The following RPTOR variants were observed in gnomAD, a reference collection of about 807,000 sequenced individuals.
The protein encoded by RPTOR is regulatory associated protein of MTOR complex 1.
RPTOR carries 21 observed loss-of-function variants against 169.9 expected under a neutral mutation model. The ratio of observed to expected loss-of-function variants is 0.12; its 90% CI spans 0.09 to 0.18. The LOEUF (loss-of-function observed/expected upper bound fraction) is 0.18, where lower values mean the gene tolerates loss of function less well. Ranked by LOEUF, RPTOR falls within the 10% of genes least tolerant of loss-of-function variation. The pLI is 1.00. For missense variants in RPTOR, 1,133 were observed against 1,855.9 expected (o/e 0.61, Z 7.16); for synonymous variants, 732 against 753.2 (o/e 0.97, Z 0.46).
intron 1 of RPTOR, among the ~76,000 whole-genome samples, chr17:80,571,594 C>T (rs2064906734): frequency 1.3e-5 from 2 of 152,146 alleles, no homozygotes; most frequent in African/African-American, 2.4e-5. Flanking sequence ...GATCATAGCT[C>T]ACTGCAGCCT....
At chr17:80,616,196 A>G (rs1195623001) in intron 1 of RPTOR, among the ~76,000 whole-genome samples, 1 of 152,176 alleles carries the variant, frequency 6.6e-6, no homozygotes, top group Admixed American at 6.5e-5. Flanking sequence ...TAATGTGGCT[A>G]ATTTTAATTT....
intron 11 of RPTOR, among the ~76,000 whole-genome samples, chr17:80,847,230 A>G (rs1424021639): frequency 6.6e-6 from 1 of 152,216 alleles, no homozygotes; most frequent in African/African-American, 2.4e-5. Flanking sequence ...GGCCCGTGTC[A>G]TGTCAGTGCT....
At chr17:80,570,100 C>G (rs1291947052) in intron 1 of RPTOR, among the ~76,000 whole-genome samples, 1 of 152,146 alleles carries the variant, frequency 6.6e-6, no homozygotes, top group East Asian at 1.9e-4. Flanking sequence ...ATCATGAACT[C>G]AGACCTCTCT....
At position 80,721,547 on chromosome 17, in the gene RPTOR, G is replaced by T. The variant is rs1460427074; in HGVS notation, c.508-9013G>T. Among the ~76,000 whole-genome samples the T allele has an allele frequency of 2.0e-5, 3 of 151,350 alleles. No individual in the cohort carries two copies. The highest frequency in any genetic ancestry group is 3.9e-4 in the East Asian group (2 of 5,194). On this transcript the variant is annotated intron_variant, in intron 4 of 33. Transcript: ENST00000306801. This position sits in a 1 kb window ranked among gnomAD's most constrained non-coding sequence, Gnocchi z 4.7. ...GCTCACCCGGGGCCGTCAGGGCGCT[G>T]CAGTTTGCAGGAGCATCCTTTGGGC... is the stretch of plus-strand genomic sequence containing the variant.
rs117870621 is a variant in RPTOR, at chr17:80,722,588, A to G, written c.508-7972A>G. Among the ~76,000 whole-genome samples, 351 of 151,248 alleles carry G rather than the reference A, an allele frequency of 2.3e-3. 3 individuals carry two copies. Among genetic ancestry groups the G allele is most frequent in the South Asian group, 0.01 (49 of 4,828 alleles). ...AATGGAAGAGACCATGGGATGCAGCATGTGAAGAGGTGACTATGTGTTCAG... is the reference window on the plus strand; with the variant it reads ...AATGGAAGAGACCATGGGATGCAGCGTGTGAAGAGGTGACTATGTGTTCAG... On this transcript the variant is annotated intron_variant, in intron 4 of 33. Coordinates refer to ENST00000306801, the MANE Select transcript of RPTOR (RefSeq NM_020761.3).
At chr17:80,856,204 A>C (rs1231822356) in intron 12 of RPTOR, among the ~76,000 whole-genome samples, 2 of 152,260 alleles carry the variant, frequency 1.3e-5, no homozygotes, top group African/African-American at 4.8e-5. Context: ...ATGAATACTC[A>C]TAAAACAATT....
rs140163686 is a variant in RPTOR at position 80,943,276 on chromosome 17, G to A, written c.3026-2391G>A. ...CAGCCTGCAGCAGAGTGCCCAAGTC[G>A]CGCGGCTTTGACCTTGCACCCCGAC... On this transcript the variant is annotated intron_variant, in intron 25 of 33. Transcript: ENST00000306801. Among the ~76,000 whole-genome samples, 107 of 152,220 alleles carry A rather than the reference G, an allele frequency of 7.0e-4. No homozygotes were observed. The East Asian group carries it at 0.016, about 23-fold the overall frequency.
chr17:80,706,510 G>A (rs1000544126), intron 3 of RPTOR, among the ~76,000 whole-genome samples: 1 of 152,264 alleles, frequency 6.6e-6, no homozygotes, highest in Non-Finnish European at 1.5e-5. Flanking sequence ...AGCATTCATA[G>A]CATTAGGACT....
intron 2 of RPTOR, among the ~76,000 whole-genome samples, chr17:80,635,508 G>GGGTACCATTTCGCACATGGTGA (rs2065498871): frequency 5.3e-5 from 8 of 152,186 alleles, no homozygotes; most frequent in Admixed American, 5.2e-4. Context: ...GCAGATGGTG[G>GGGTACCATTTCGCACATGGTGA]GGTACCATTT....
At chr17:80,791,372 C>A in intron 6 of RPTOR, 78 bp from the exon 7 acceptor site, 2 of 1,317,058 alleles carry the variant, frequency 1.5e-6, no homozygotes, top group Non-Finnish European at 2.2e-6. Context: ...TTTAACTCTT[C>A]CCTTTTTCTG....
chr17:80,905,190 T>TA (rs780749373), intron 20 of RPTOR, among the ~76,000 whole-genome samples: 3 of 151,774 alleles, frequency 2.0e-5, no homozygotes, highest in Non-Finnish European at 4.4e-5. Flanking sequence ...TTTTTTTTTT[T>TA]ATGTGTATTA....
intron 1 of RPTOR, among the ~76,000 whole-genome samples, chr17:80,608,762 C>G (rs935911857): frequency 6.6e-6 from 1 of 152,106 alleles, no homozygotes; most frequent in Admixed American, 6.5e-5. Context: ...AGTAGCTGAC[C>G]GTGTTGGTCT....
intron 3 of RPTOR, among the ~76,000 whole-genome samples, chr17:80,661,635 A>G (rs566921004): frequency 6.6e-6 from 1 of 152,166 alleles, no homozygotes; most frequent in Admixed American, 6.5e-5. Context: ...CGGCGCTCCT[A>G]TGCACATCTT....
chr17:80,801,451 G>A (rs932352530), intron 7 of RPTOR, among the ~76,000 whole-genome samples: 14 of 152,114 alleles, frequency 9.2e-5, no homozygotes, highest in Non-Finnish European at 5.9e-5. Flanking sequence ...CCTTCCCCTC[G>A]GCATGGGCTG....
In RPTOR at chr17:80,883,526, G is replaced by A. The variant is rs754422513; in HGVS notation, c.1650+42G>A. 2.6e-5 allele frequency: 41 copies of A among 1,593,548 alleles called. No individual in the cohort carries two copies. The East Asian group carries it at 6.0e-4, about 23-fold the overall frequency. On this transcript the variant is annotated intron_variant, in intron 15 of 33. Transcript: ENST00000306801. ...CCCCCAGCCCCAGAGCTCACCCTTG[G>A]CATTGCAGAGGAGCTGGGCCCACTG...
chr17:80,826,987 G>A (rs1467202714), intron 9 of RPTOR, among the ~76,000 whole-genome samples: 1 of 152,240 alleles, frequency 6.6e-6, no homozygotes, highest in East Asian at 1.9e-4. Context: ...GAGCATGAAG[G>A]GAGCTTTAGT....
At chr17:80,690,458 A>G (rs949286485) in intron 3 of RPTOR, among the ~76,000 whole-genome samples, 8 of 152,178 alleles carry the variant, frequency 5.3e-5, no homozygotes, top group African/African-American at 1.9e-4. Context: ...CCCTCACCCC[A>G]GCACTCTCTG....
In RPTOR at chr17:80,754,124, GACCTCCCGGCTGACCTATTC is replaced by G; in HGVS notation, c.776_795del (p.Pro259LeufsTer46). The G allele has an allele frequency of 1.2e-6, 2 of 1,613,660 alleles. No homozygotes were observed. The highest frequency in any genetic ancestry group is 1.7e-6 in the Non-Finnish European group (2 of 1,179,982). ...CACCGAGCTGCTGCCCATGATCCCC[GACCTCCCGGCTGACCTATTC>G]ACCTCCTGCCTCACCACCCCCATCA... On this transcript the variant is annotated frameshift_variant, in exon 6 of 34. Coordinates refer to ENST00000306801, the MANE Select transcript of RPTOR (RefSeq NM_020761.3). LOFTEE classifies it high-confidence loss of function. The surrounding 1 kb of genome is among the most constrained non-coding windows in gnomAD (Gnocchi z 4.2).
chr17:80,767,939 C>T (rs2066804029), intron 6 of RPTOR, among the ~76,000 whole-genome samples: 1 of 152,136 alleles, frequency 6.6e-6, no homozygotes. Flanking sequence ...TCTCAGCTCA[C>T]TGCAACCTCT....
Sources: gnomAD v4.1 joint callset for allele counts (sites outside exome capture counted in the v4.1 genomes callset) on GRCh38, gnomAD v4.1.1 for gene constraint, Gnocchi (gnomAD v3.1) non-coding constraint, MANE v1.5 for transcripts, NCBI Gene and HGNC (gene_info 2026-07-23, HGNC 2026-07-21) for gene names.